Variants in DSCAML1 observed in about 807,000 individuals in gnomAD.
The protein encoded by DSCAML1 is cell adhesion molecule DSCAML1.
In DSCAML1, 38 loss-of-function variants were observed where a neutral mutation model predicts 200.5. The observed-to-expected ratio is 0.19, with a 90% CI of 0.15 to 0.25. DSCAML1 has a LOEUF of 0.25. Ranked by LOEUF, DSCAML1 falls within the 10% of genes least tolerant of loss-of-function variation. The pLI is 1.00. For missense variants in DSCAML1, 2,223 were observed against 2,858.8 expected, an observed-to-expected ratio of 0.78 and a Z score of 5.07; for synonymous variants, 1,215 against 1,165.0, an observed-to-expected ratio of 1.04 and a Z score of -0.87.
rs370708408 is a variant in DSCAML1, at chr11:117,507,809, C to T, written c.1784-2077G>A. On this transcript the variant is annotated intron_variant, in intron 8 of 32. Coordinates refer to ENST00000651296, the MANE Select transcript of DSCAML1 (RefSeq NM_020693.4). Reference sequence around the variant, plus strand: ...GAACCTAAATCCCAGCCAGCTTTTCCGGGGTTCTGGTCATGGCCTGGACCA... The same window carrying T: ...GAACCTAAATCCCAGCCAGCTTTTCTGGGGTTCTGGTCATGGCCTGGACCA... Among the ~76,000 whole-genome samples the T allele has an allele frequency of 9.9e-5, 15 of 152,280 alleles. No homozygotes were observed. The South Asian group carries it at 2.1e-3, about 21-fold the overall frequency.
intron 3 of DSCAML1, among the ~76,000 whole-genome samples, chr11:117,706,154 C>T (rs548127537): frequency 1.4e-4 from 21 of 152,282 alleles, no homozygotes; most frequent in Admixed American, 1.1e-3. Flanking sequence ...CGGATTTCTG[C>T]CCAGCACCAA....
intron 3 of DSCAML1, among the ~76,000 whole-genome samples, chr11:117,738,041 A>G (rs1201300700): frequency 6.6e-6 from 1 of 152,228 alleles, no homozygotes; most frequent in Non-Finnish European, 1.5e-5. Flanking sequence ...TGCAGGCTGC[A>G]TGGGTGAAAG....
chr11:117,664,917 A>G (rs2052942293), intron 3 of DSCAML1, among the ~76,000 whole-genome samples: 1 of 152,114 alleles, frequency 6.6e-6, no homozygotes, highest in Non-Finnish European at 1.5e-5. Flanking sequence ...GCACCTTCAG[A>G]ACCACGTCTA....
At chr11:117,769,996 C>A (rs2055008198) in intron 3 of DSCAML1, among the ~76,000 whole-genome samples, 1 of 152,192 alleles carries the variant, frequency 6.6e-6, no homozygotes, top group African/African-American at 2.4e-5. Flanking sequence ...TCACCCCAGC[C>A]TTTCATTGCC....
At chr11:117,549,611 C>A (rs1282468668) in intron 3 of DSCAML1, among the ~76,000 whole-genome samples, 2 of 152,214 alleles carry the variant, frequency 1.3e-5, no homozygotes, top group East Asian at 3.8e-4. Context: ...AGCGCCTGCA[C>A]AGTGATTGCG....
intron 3 of DSCAML1, among the ~76,000 whole-genome samples, chr11:117,772,712 T>C (rs1185701014): frequency 3.3e-5 from 5 of 152,244 alleles, no homozygotes; most frequent in African/African-American, 1.2e-4. Flanking sequence ...ATGGTGATCA[T>C]GCAGATGGGA....
chr11:117,776,615 C>A (rs141268074), intron 3 of DSCAML1, among the ~76,000 whole-genome samples, 176 bp downstream of exon 3: 2 of 151,992 alleles, frequency 1.3e-5, no homozygotes, highest in African/African-American at 4.8e-5. Context: ...ACGTGCCAGA[C>A]CAAGACCAAA....
chr11:117,704,068 G>A (rs1025597195), intron 3 of DSCAML1, among the ~76,000 whole-genome samples: 1 of 142,574 alleles, frequency 7.0e-6, no homozygotes, highest in Non-Finnish European at 1.5e-5. Context: ...ACGAAGAAAG[G>A]AGAAAATGAG....
chr11:117,536,420 G>T (rs921191756), intron 3 of DSCAML1, among the ~76,000 whole-genome samples: 1 of 152,308 alleles, frequency 6.6e-6, no homozygotes, highest in Non-Finnish European at 1.5e-5. Context: ...GCTGGCCCAC[G>T]TTCTCTGCTT....
intron 20 of DSCAML1, among the ~76,000 whole-genome samples, chr11:117,445,016 A>G (rs1471750395): frequency 6.6e-6 from 1 of 152,150 alleles, no homozygotes; most frequent in Non-Finnish European, 1.5e-5. Context: ...GAGGGAGCTA[A>G]TAATTAGTTA....
Position 117,480,705 on chromosome 11 carries a change from G to T in DSCAML1, c.2657-134C>A. ...ACCCTAGGGTTTGAGCAGGGTGGGG[G>T]CTGGAGGAGGCCAGCAGCCAGGCTT... On this transcript the variant is annotated intron_variant, in intron 13 of 32. Transcript: ENST00000651296. The surrounding 1 kb of genome is among the most constrained non-coding windows in gnomAD (Gnocchi z 4.1). The T allele has an allele frequency of 2.1e-6, 2 of 940,040 alleles. No individual in the cohort carries two copies. The highest frequency in any genetic ancestry group is 1.6e-6 in the Non-Finnish European group (1 of 631,786). 58.2% of individuals were successfully genotyped at this position (940,040 alleles called of 1,614,324 possible). A position where few individuals can be genotyped will look rare whatever the true frequency, so the allele number is the denominator to read the frequency against.
intron 11 of DSCAML1, among the ~76,000 whole-genome samples, chr11:117,500,949 AT>A (rs1396472175): frequency 1.3e-5 from 2 of 152,106 alleles, no homozygotes; most frequent in African/African-American, 4.8e-5. Context: ...TCCCGAGTGT[AT>A]TAGGGGCATT....
chr11:117,667,713 C>A (rs2053007773), intron 3 of DSCAML1, among the ~76,000 whole-genome samples: 1 of 152,206 alleles, frequency 6.6e-6, no homozygotes, highest in Non-Finnish European at 1.5e-5. Flanking sequence ...CAGAATCCAA[C>A]CTTCAGAGTT....
intron 3 of DSCAML1, among the ~76,000 whole-genome samples, chr11:117,585,134 C>T (rs1479189093): frequency 6.6e-6 from 1 of 152,162 alleles, no homozygotes; most frequent in Non-Finnish European, 1.5e-5. Flanking sequence ...TCATTCAATC[C>T]TTCCACGTGA....
At chr11:117,644,224 A>G (rs1295619162) in intron 3 of DSCAML1, among the ~76,000 whole-genome samples, 2 of 152,248 alleles carry the variant, frequency 1.3e-5, no homozygotes, top group Non-Finnish European at 2.9e-5. Context: ...AGGCTCCAGG[A>G]ACAAGATCCA....
At position 117,590,038 on chromosome 11, in the gene DSCAML1, A is replaced by AAGG. The variant is rs2051226971; in HGVS notation, c.512-57517_512-57516insCCT. Among the ~76,000 whole-genome samples the AAGG allele has an allele frequency of 2.6e-5, 4 of 152,302 alleles. No homozygotes were observed. In the South Asian group the frequency reaches 8.3e-4, roughly 32 times the overall value. ...TAGGTATTTTTTGCCTTATCCAAAT[A>AAGG]CTATCTGCATTGTTATTTATTTAAT... On this transcript the variant is annotated intron_variant, in intron 3 of 32. Coordinates refer to ENST00000651296, the MANE Select transcript of DSCAML1 (RefSeq NM_020693.4).
intron 3 of DSCAML1, among the ~76,000 whole-genome samples, chr11:117,599,163 T>C (rs1310926768): frequency 8.1e-6 from 1 of 123,686 alleles, no homozygotes; most frequent in Non-Finnish European, 1.7e-5. Context: ...TCACCTCTTG[T>C]TCCTTGATTT....
At chr11:117,788,867 G>C (rs538215507) in intron 1 of DSCAML1, among the ~76,000 whole-genome samples, 2 of 152,320 alleles carry the variant, frequency 1.3e-5, no homozygotes, top group African/African-American at 4.8e-5. Context: ...CACATGACAG[G>C]CTAGATTCAG....
intron 3 of DSCAML1, among the ~76,000 whole-genome samples, chr11:117,765,638 A>G (rs963684274): frequency 6.6e-6 from 1 of 152,222 alleles, no homozygotes; most frequent in African/African-American, 2.4e-5. Flanking sequence ...TTGAAAACCT[A>G]CGCATAGAGA....
Sources: allele counts gnomAD v4.1 joint callset (sites outside exome capture counted in the v4.1 genomes callset), GRCh38; gene constraint gnomAD v4.1.1; non-coding constraint Gnocchi (gnomAD v3.1); transcripts MANE v1.5; gene names NCBI Gene and HGNC (gene_info 2026-07-23, HGNC 2026-07-21).